Variants in CLIC5 observed in about 807,000 individuals in gnomAD.
CLIC5 encodes the protein chloride intracellular channel protein 5.
In CLIC5, 20 loss-of-function variants were observed where a neutral mutation model predicts 24.7. The observed-to-expected ratio is 0.81, with a 90% confidence interval of 0.57 to 1.18. The LOEUF (loss-of-function observed/expected upper bound fraction) is 1.18, where lower values mean the gene tolerates loss of function less well. Ranked by LOEUF, CLIC5 falls within the 50% of genes most tolerant of loss-of-function variation. The probability of loss-of-function intolerance (pLI) is 0.00; values close to 1 mark genes in which losing one functional copy is unlikely to be tolerated. For synonymous variants in CLIC5, 159 were observed against 135.6 expected (o/e 1.17, Z -1.20); for missense variants, 341 against 326.1 (o/e 1.05, Z -0.35).
chr6:46,056,032 G>T (rs1768240472), intron 1 of CLIC5, among the ~76,000 whole-genome samples: 2 of 152,192 alleles, frequency 1.3e-5, no homozygotes, highest in African/African-American at 4.8e-5. Context: ...AACAGTCTGA[G>T]TACATTTGAT....
chr6:46,045,310 C>T lies in CLIC5; in HGVS notation c.540+34393G>A, dbSNP rs544655535. ...TCTATAATTTTACCACCTGGTACAA[C>T]ATATTGAAATGTACTTTATTTAACA... On this transcript the variant is annotated intron_variant, in intron 1 of 5. Coordinates refer to the CLIC5 transcript ENST00000185206. Among the ~76,000 whole-genome samples the T allele has an allele frequency of 7.5e-4, 114 of 152,276 alleles. 2 individuals carry two copies. The South Asian group carries it at 0.022, about 30-fold the overall frequency.
chr6:46,046,071 A>C (rs1767945073), intron 1 of CLIC5, among the ~76,000 whole-genome samples: 1 of 152,178 alleles, frequency 6.6e-6, no homozygotes, highest in Admixed American at 6.5e-5. Context: ...AGTTACCCAA[A>C]CCATCTTCTC....
intron 1 of CLIC5, among the ~76,000 whole-genome samples, chr6:46,043,868 G>A (rs1176525722): frequency 1.3e-5 from 2 of 152,354 alleles, no homozygotes; most frequent in Admixed American, 6.5e-5. Flanking sequence ...GGGCAGCAGA[G>A]TTTATCATTG....
At chr6:46,019,008 G>A (rs1427022579), upstream of CLIC5, among the ~76,000 whole-genome samples, 1 of 151,676 alleles carries the variant, frequency 6.6e-6, no homozygotes, top group East Asian at 1.9e-4. Context: ...ACTCTAAGTA[G>A]CCTGAGAAAA....
intron 4 of CLIC5, among the ~76,000 whole-genome samples, chr6:45,922,055 A>G (rs531239430): frequency 5.9e-4 from 90 of 152,334 alleles, no homozygotes; most frequent in African/African-American, 2.1e-3. Context: ...ATGCAATGGC[A>G]ACTTCAACAG....
the CLIC5 span, among the ~76,000 whole-genome samples, chr6:46,086,376 C>T: frequency 2.1e-3 from 327 of 152,300 alleles, no homozygotes; most frequent in African/African-American, 7.3e-3. Context: ...TGTTGCTATT[C>T]GGCCATCTTG....
At chr6:46,101,676 C>G in the CLIC5 span, among the ~76,000 whole-genome samples, 12 of 152,166 alleles carry the variant, frequency 7.9e-5, no homozygotes, top group African/African-American at 2.9e-4. Flanking sequence ...AGGTAGAGAA[C>G]TTACTTTTGG....
At chr6:45,934,575 C>T (rs1763863123) in intron 4 of CLIC5, among the ~76,000 whole-genome samples, 1 of 152,152 alleles carries the variant, frequency 6.6e-6, no homozygotes, top group African/African-American at 2.4e-5. Context: ...TACTATTGCC[C>T]CTGGGGCTTT....
intron 6 of CLIC5, among the ~76,000 whole-genome samples, chr6:45,884,158 A>G (rs534502810): frequency 5.9e-5 from 9 of 152,290 alleles, no homozygotes; most frequent in African/African-American, 2.2e-4. Flanking sequence ...ACTCTTCAAC[A>G]TGTTGGCTTC....
the CLIC5 span, among the ~76,000 whole-genome samples, chr6:46,088,151 C>T: frequency 5.3e-5 from 7 of 132,706 alleles, no homozygotes; most frequent in East Asian, 2.1e-4. Context: ...CGTACTCTCT[C>T]GCTCTCTTTC....
intron 1 of CLIC5, among the ~76,000 whole-genome samples, chr6:46,062,249 A>G (rs1177664209): frequency 2.0e-5 from 3 of 152,230 alleles, no homozygotes; most frequent in Non-Finnish European, 1.5e-5. Flanking sequence ...TCTTGCCACC[A>G]AAGAAGAATA....
At chr6:45,893,867 A>C (rs1357755819), downstream of CLIC5, among the ~76,000 whole-genome samples, 1 of 152,194 alleles carries the variant, frequency 6.6e-6, no homozygotes, top group African/African-American at 2.4e-5. Context: ...TAAAAAAAGA[A>C]ATTTTTCTTT....
intron 1 of CLIC5, among the ~76,000 whole-genome samples, chr6:45,991,788 A>C (rs1255983428): frequency 6.6e-6 from 1 of 152,174 alleles, no homozygotes; most frequent in Non-Finnish European, 1.5e-5. Flanking sequence ...TTGCTATAGT[A>C]GAAAGAGAGG....
intron 4 of CLIC5, among the ~76,000 whole-genome samples, chr6:45,941,187 A>T (rs1764117013): frequency 6.6e-6 from 1 of 152,196 alleles, no homozygotes. Context: ...TGTTGCTCTA[A>T]TGTGATCACA....
chr6:45,897,394 G>A (rs887426238), downstream of CLIC5, among the ~76,000 whole-genome samples: 14 of 152,172 alleles, frequency 9.2e-5, 1 homozygote, highest in Admixed American at 3.3e-4. Context: ...AATCACCCTC[G>A]CTCCAGTCAT....
intron 1 of CLIC5, among the ~76,000 whole-genome samples, chr6:45,967,099 C>T (rs574312664): frequency 3.3e-4 from 50 of 152,328 alleles, no homozygotes; most frequent in African/African-American, 1.1e-3. Context: ...AATGTGGCTT[C>T]TTAAAAAATG....
At chr6:46,103,103 T>C in the CLIC5 span, among the ~76,000 whole-genome samples, 1 of 152,230 alleles carries the variant, frequency 6.6e-6, no homozygotes, top group Admixed American at 6.5e-5. Context: ...GTTTCCATTT[T>C]ACAAGGAAAA....
the CLIC5 span, among the ~76,000 whole-genome samples, chr6:46,129,040 T>C: frequency 0.097 from 14,724 of 152,262 alleles, 830 homozygotes; most frequent in East Asian, 0.16. Context: ...TTTACAGCTA[T>C]TAAATACTTA....
the CLIC5 span, among the ~76,000 whole-genome samples, chr6:46,100,732 G>A: frequency 6.6e-6 from 1 of 152,156 alleles, no homozygotes; most frequent in African/African-American, 2.4e-5. Flanking sequence ...TAGGGGCCAA[G>A]GGAAAACTTC....
Sources: gnomAD v4.1 joint callset for allele counts (sites outside exome capture counted in the v4.1 genomes callset) on GRCh38, gnomAD v4.1.1 for gene constraint, MANE v1.5 for transcripts, NCBI Gene and HGNC (gene_info 2026-07-23, HGNC 2026-07-21) for gene names.